IL1RAPL1: variants seen among roughly 807,000 people sequenced by gnomAD.
IL1RAPL1 encodes interleukin-1 receptor accessory protein-like 1.
IL1RAPL1 carries 3 observed loss-of-function variants against 48.4 expected under a neutral mutation model. The ratio of observed to expected loss-of-function variants is 0.06; its 90% CI spans 0.03 to 0.16. The LOEUF is 0.16. Among genes scored for constraint, IL1RAPL1 ranks in the 10% least tolerant of loss-of-function variants. The pLI is 1.00. For missense variants in IL1RAPL1, 349 were observed against 530.6 expected, an observed-to-expected ratio of 0.66 and a Z score of 3.36; for synonymous variants, 185 against 187.7, an observed-to-expected ratio of 0.99 and a Z score of 0.12.
intron 3 of IL1RAPL1, among the ~76,000 whole-genome samples, chrX:29,324,523 A>G (rs980085061): frequency 1.8e-5 from 2 of 111,870 alleles, no homozygotes; most frequent in South Asian, 3.7e-4. Flanking sequence ...GGTGTGGTGC[A>G]GGAACTCTCT....
intron 3 of IL1RAPL1, among the ~76,000 whole-genome samples, chrX:29,333,604 A>G (rs1433905142): frequency 1.1e-3 from 67 of 60,144 alleles, no homozygotes; most frequent in East Asian, 1.9e-3. Flanking sequence ...CCTCCCTCCC[A>G]GACGGGGCGG....
At chrX:29,902,846 TAAAG>T (rs1347498100) in intron 6 of IL1RAPL1, among the ~76,000 whole-genome samples, 1 of 111,699 alleles carries the variant, frequency 9.0e-6, no homozygotes, top group Admixed American at 9.6e-5. Flanking sequence ...TCTATTTTCA[TAAAG>T]AAATCTGACA....
Position 28,836,336 on chromosome X carries a change from T to TTATTTA in IL1RAPL1, c.82+46914_82+46915insTTATAT, listed in dbSNP as rs1231420549. Among the ~76,000 whole-genome samples the TTATTTA allele has an allele frequency of 1.4e-3, 116 of 85,312 alleles. 1 individual carries two copies. Among genetic ancestry groups the TTATTTA allele is most frequent in the African/African-American group, 5.1e-3 (109 of 21,290 alleles). 74.1% of individuals were successfully genotyped at this position (85,312 alleles called of 115,157 possible). On this transcript the variant is annotated intron_variant, in intron 2 of 10. Transcript: ENST00000378993. ...ATAAAATGCCTTTTGCTTCCCAATT[T>TTATTTA]TATATATATATATATATATATATAT...
chrX:28,917,291 G>A (rs1243323117), intron 2 of IL1RAPL1, among the ~76,000 whole-genome samples: 1 of 111,478 alleles, frequency 9.0e-6, no homozygotes, highest in Non-Finnish European at 1.9e-5. Flanking sequence ...TGTAGCAAGG[G>A]AAAATATTGT....
intron 5 of IL1RAPL1, among the ~76,000 whole-genome samples, chrX:29,660,200 G>A (rs1925800739): frequency 9.0e-6 from 1 of 111,638 alleles, no homozygotes; most frequent in Non-Finnish European, 1.9e-5. Context: ...ATTACAATTC[G>A]ACATGAGATT....
At chrX:28,679,454 A>C (rs1351072158) in intron 1 of IL1RAPL1, among the ~76,000 whole-genome samples, 3 of 109,692 alleles carry the variant, frequency 2.7e-5, no homozygotes, top group African/African-American at 9.9e-5. Flanking sequence ...GCTGTGTAGA[A>C]GCTTTTTAGC....
chrX:29,057,153 C>A (rs1223732305), intron 2 of IL1RAPL1, among the ~76,000 whole-genome samples: 1 of 111,783 alleles, frequency 8.9e-6, no homozygotes, highest in Non-Finnish European at 1.9e-5. Context: ...TTTTTAAGAT[C>A]TGTTTAGTAT....
At chrX:29,420,357 A>G (rs760492502) in intron 5 of IL1RAPL1, among the ~76,000 whole-genome samples, 2 of 112,707 alleles carry the variant, frequency 1.8e-5, no homozygotes, top group African/African-American at 6.4e-5. Context: ...TAAGCTACAC[A>G]GCTGCCACTT....
intron 2 of IL1RAPL1, among the ~76,000 whole-genome samples, chrX:28,954,655 C>T (rs986910814): frequency 4.5e-5 from 5 of 110,812 alleles, no homozygotes; most frequent in East Asian, 2.8e-4. Context: ...ATTGCCTCCA[C>T]TTTAGGTTAT....
chrX:29,678,413 G>GGCGCGATCTCGGCTCACCACAA (rs1239192464), intron 6 of IL1RAPL1, among the ~76,000 whole-genome samples: 1 of 91,985 alleles, frequency 1.1e-5, no homozygotes, highest in Non-Finnish European at 2.1e-5. Flanking sequence ...TGGATGCAGT[G>GGCGCGATCTCGGCTCACCACAA]GCGCGATCTC....
intron 2 of IL1RAPL1, among the ~76,000 whole-genome samples, chrX:29,270,696 A>G (rs966805153): frequency 8.9e-6 from 1 of 112,134 alleles, no homozygotes; most frequent in Non-Finnish European, 1.9e-5. Context: ...ACTGTGATAA[A>G]TCTTGAAATC....
intron 6 of IL1RAPL1, among the ~76,000 whole-genome samples, chrX:29,684,608 T>A (rs1017514360): frequency 1.8e-5 from 2 of 111,411 alleles, no homozygotes; most frequent in Admixed American, 1.9e-4. Context: ...CTCATTCCCA[T>A]TTTTTTTGTA....
chrX:29,721,700 A>T (rs1317777295), intron 6 of IL1RAPL1, among the ~76,000 whole-genome samples: 2 of 111,846 alleles, frequency 1.8e-5, no homozygotes, highest in African/African-American at 6.5e-5. Flanking sequence ...TTTTAGTAGA[A>T]AATGTTGATT....
intron 6 of IL1RAPL1, among the ~76,000 whole-genome samples, chrX:29,874,022 T>C (rs1287824806): frequency 2.7e-5 from 3 of 112,408 alleles, no homozygotes; most frequent in Non-Finnish European, 5.6e-5. Flanking sequence ...ATTATTTTCC[T>C]CTTCCCACTA....
chrX:29,314,991 A>G (rs1932763399), intron 3 of IL1RAPL1, among the ~76,000 whole-genome samples: 1 of 112,066 alleles, frequency 8.9e-6, no homozygotes, highest in Non-Finnish European at 1.9e-5. Context: ...TAACATGCCA[A>G]GGCAGCTCAG....
intron 2 of IL1RAPL1, among the ~76,000 whole-genome samples, chrX:28,836,357 T>C (rs1921211288): frequency 1.3e-5 from 1 of 78,442 alleles, no homozygotes; most frequent in Non-Finnish European, 2.0e-5. Flanking sequence ...TATATATATA[T>C]ATATATGACA....
At chrX:29,370,263 A>G (rs746017676) in intron 3 of IL1RAPL1, among the ~76,000 whole-genome samples, 1 of 111,034 alleles carries the variant, frequency 9.0e-6, no homozygotes, top group Non-Finnish European at 1.9e-5. Context: ...TTGAAGTGGT[A>G]GGATATGAAG....
chrX:28,959,377 G>A (rs1014834242), intron 2 of IL1RAPL1, among the ~76,000 whole-genome samples: 5 of 110,886 alleles, frequency 4.5e-5, no homozygotes, highest in Non-Finnish European at 9.5e-5. Context: ...AAATTCATTG[G>A]AATGTAGTTA....
At chrX:28,672,571 T>C (rs958411129) in intron 1 of IL1RAPL1, among the ~76,000 whole-genome samples, 2 of 111,006 alleles carry the variant, frequency 1.8e-5, no homozygotes, top group Admixed American at 1.9e-4. Flanking sequence ...ATCAGGGCCC[T>C]GGCACCCTAT....
Sources: gnomAD v4.1 joint callset for allele counts (sites outside exome capture counted in the v4.1 genomes callset) on GRCh38, gnomAD v4.1.1 for gene constraint, MANE v1.5 for transcripts, NCBI Gene and HGNC (gene_info 2026-07-23, HGNC 2026-07-21) for gene names.